Variants in CCZ1B observed in about 807,000 individuals in gnomAD.
The protein encoded by CCZ1B is vacuolar fusion protein CCZ1 homolog B.
CCZ1B carries 25 observed loss-of-function variants against 58.8 expected under a neutral mutation model. The observed-to-expected ratio is 0.43, with a 90% confidence interval of 0.31 to 0.59. The LOEUF is 0.59. Among genes scored for constraint, CCZ1B ranks in the 20% least tolerant of loss-of-function variants. CCZ1B has a pLI of 0.12. For synonymous variants in CCZ1B, 66 were observed against 173.2 expected (o/e 0.38, Z 4.86); for missense variants, 180 against 501.5 (o/e 0.36, Z 6.12).
intron 7 of CCZ1B, among the ~76,000 whole-genome samples, chr7:6,817,251 G>A (rs1185754768): frequency 3.3e-5 from 5 of 151,506 alleles, no homozygotes; most frequent in Admixed American, 6.6e-5. Context: ...GCGCCAGATT[G>A]TCCTGTGACT....
Position 6,814,757 on chromosome 7 carries a change from A to T in CCZ1B, c.780+7T>A. The stretch of plus-strand genomic sequence containing the variant: ...GTAATTGTGTGCAGCTATGGTACCC[A>T]TCATACCTCAGGTTCGATGTGCCTT... On this transcript the variant is annotated splice_region_variant and intron_variant, in intron 8 of 14. Coordinates refer to ENST00000316731, the MANE Select transcript of CCZ1B (RefSeq NM_198097.5). 3 of 1,604,808 alleles carry T rather than the reference A, an allele frequency of 1.9e-6. No individual in the cohort carries two copies. The African/African-American group carries it at 4.2e-5, about 23-fold the overall frequency.
intron 5 of CCZ1B, 39 bp downstream of exon 5, chr7:6,823,274 G>C: frequency 6.2e-7 from 1 of 1,604,170 alleles, no homozygotes; most frequent in Non-Finnish European, 8.5e-7. Flanking sequence ...ATAGGGGTAA[G>C]TGGTTGGACT....
chr7:6,825,716 C>T (rs1274587078), intron 1 of CCZ1B, among the ~76,000 whole-genome samples: 1 of 129,614 alleles, frequency 7.7e-6, no homozygotes, highest in African/African-American at 3.0e-5. Flanking sequence ...ATTACAGGGA[C>T]CTCCAGGCTT....
At chr7:6,804,296 G>A (rs1474250252) in intron 12 of CCZ1B, among the ~76,000 whole-genome samples, 1 of 122,872 alleles carries the variant, frequency 8.1e-6, no homozygotes. Context: ...GGTGGTGCAC[G>A]CCTGTAATCC....
At chr7:6,800,270 T>G (rs1371108523) in intron 14 of CCZ1B, among the ~76,000 whole-genome samples, 1 of 140,308 alleles carries the variant, frequency 7.1e-6, no homozygotes, top group African/African-American at 2.7e-5. Context: ...AATGTCTGCC[T>G]CCTTCTGCCT....
chr7:6,821,337 G>C (rs1783107043), intron 6 of CCZ1B, among the ~76,000 whole-genome samples: 1 of 151,334 alleles, frequency 6.6e-6, no homozygotes, highest in African/African-American at 2.4e-5. Context: ...CTAAAATCAT[G>C]TCTAAATGAT....
In CCZ1B at chr7:6,818,727, G is replaced by GAAAT. The variant is rs148066230; in HGVS notation, c.698+1038_698+1039insATTT. Reference sequence around the variant, plus strand: ...GAAAGAAAGACAAGAAAGAAAGAAAGAAAGAAAGAAAGAGGGCTCTAGTCA... The same window carrying GAAAT: ...GAAAGAAAGACAAGAAAGAAAGAAAGAAATAAAGAAAGAAAGAGGGCTCTAGTCA... On this transcript the variant is annotated intron_variant, in intron 7 of 14. Transcript: ENST00000316731. Among the ~76,000 whole-genome samples the GAAAT allele has an allele frequency of 6.4e-5, 9 of 140,788 alleles. No individual in the cohort carries two copies. The East Asian group carries it at 1.1e-3, about 18-fold the overall frequency. The allele number at this position is 140,788 out of a possible 152,430, so 92.4% of individuals were successfully genotyped here.
chr7:6,813,792 A>G (rs1782954812), intron 8 of CCZ1B, among the ~76,000 whole-genome samples: 1 of 149,264 alleles, frequency 6.7e-6, no homozygotes, highest in African/African-American at 2.5e-5. Context: ...AAAATACTAC[A>G]CAGGTTGATT....
At chr7:6,823,520 T>TTTC (rs1203053023) in intron 4 of CCZ1B, among the ~76,000 whole-genome samples, 160 bp from the exon 5 acceptor site, 3 of 139,634 alleles carry the variant, frequency 2.1e-5, no homozygotes, top group African/African-American at 8.6e-5. Context: ...GCGTTCTTTT[T>TTTC]TTTTTTTTTT....
rs1199106308 is a variant in CCZ1B, at chr7:6,822,192, G to A, written c.522+89C>T. On this transcript the variant is annotated intron_variant, in intron 6 of 14. Transcript: ENST00000316731. ...GCCACTTTCAAGTTCTGGGTTTTTT[G>A]TAGATAAGAAACAAACTTGTCTGTC... 12 of 1,526,850 alleles carry A rather than the reference G, an allele frequency of 7.9e-6. No individual in the cohort carries two copies. In the East Asian group the frequency reaches 9.1e-5, roughly 12 times the overall value. The allele number at this position is 1,526,850 out of a possible 1,614,324, so 94.6% of individuals were successfully genotyped here.
chr7:6,811,501 T>G (rs1248166139), intron 10 of CCZ1B: 1 of 152,948 alleles, frequency 6.5e-6, no homozygotes, highest in South Asian at 2.0e-4. Context: ...TGCCTTTAAT[T>G]AGAAACACAA....
At chr7:6,817,898 G>A (rs1408867911) in intron 7 of CCZ1B, among the ~76,000 whole-genome samples, 1 of 148,856 alleles carries the variant, frequency 6.7e-6, no homozygotes, top group Non-Finnish European at 1.5e-5. Flanking sequence ...CAGCTACTCG[G>A]GAGGCTGAGG....
chr7:6,810,363 A>G (rs1171391252), intron 10 of CCZ1B, among the ~76,000 whole-genome samples: 1 of 143,308 alleles, frequency 7.0e-6, no homozygotes, highest in Non-Finnish European at 1.5e-5. Context: ...CATGGCAAAG[A>G]ACTCTATGCT....
chr7:6,813,704 A>G (rs369177315), intron 8 of CCZ1B, among the ~76,000 whole-genome samples: 2 of 149,622 alleles, frequency 1.3e-5, no homozygotes, highest in African/African-American at 5.0e-5. Flanking sequence ...GCAGGAAACC[A>G]GGAAATTAAG....
chr7:6,809,719 C>CA (rs1194752665), intron 10 of CCZ1B, among the ~76,000 whole-genome samples: 1 of 133,978 alleles, frequency 7.5e-6, no homozygotes, highest in East Asian at 2.1e-4. Context: ...AAGTGACTCT[C>CA]AAGCACACCA....
chr7:6,820,569 G>T (rs1177636423), intron 6 of CCZ1B, among the ~76,000 whole-genome samples: 1 of 148,450 alleles, frequency 6.7e-6, no homozygotes. Flanking sequence ...TCGTGTCTAG[G>T]CATCCCAAAG....
chr7:6,820,701 C>A, intron 6 of CCZ1B, among the ~76,000 whole-genome samples: 1 of 148,740 alleles, frequency 6.7e-6, no homozygotes, highest in Non-Finnish European at 1.5e-5. Context: ...GCGGGCACAT[C>A]ACTTGAGGTC....
At position 6,808,300 on chromosome 7, in the gene CCZ1B, A is replaced by G. The variant is rs1321895180; in HGVS notation, c.955-2263T>C. 3.3e-5 allele frequency among the ~76,000 whole-genome samples: 4 copies of G among 121,710 alleles called. 1 individual carries two copies. Among genetic ancestry groups the G allele is most frequent in the African/African-American group, 1.1e-4 (4 of 36,884 alleles). 79.8% of individuals were successfully genotyped at this position (121,710 alleles called of 152,430 possible). A position where few individuals can be genotyped will look rare whatever the true frequency, so the allele number is the denominator to read the frequency against. ...ACACATCCTCGATGGGGAAACACTC[A>G]CTGGGCTGTCCACATGACCCCAACG... is the stretch of plus-strand genomic sequence containing the variant. On this transcript the variant is annotated intron_variant, in intron 10 of 14. Coordinates refer to ENST00000316731, the MANE Select transcript of CCZ1B (RefSeq NM_198097.5).
intron 8 of CCZ1B, among the ~76,000 whole-genome samples, chr7:6,814,335 G>T (rs1205262226): frequency 1.3e-5 from 2 of 149,176 alleles, no homozygotes; most frequent in African/African-American, 2.5e-5. Flanking sequence ...AGGAGTTCGA[G>T]ACCAGCCTGG....
Sources: gnomAD v4.1 joint callset for allele counts (sites outside exome capture counted in the v4.1 genomes callset) on GRCh38, gnomAD v4.1.1 for gene constraint, MANE v1.5 for transcripts, NCBI Gene and HGNC (gene_info 2026-07-23, HGNC 2026-07-21) for gene names.